NRXN3: variants seen among roughly 807,000 people sequenced by gnomAD.
The protein encoded by NRXN3 is neurexin III.
NRXN3 carries 32 observed loss-of-function variants against 137.6 expected under a neutral mutation model. The observed-to-expected ratio is 0.23, with a 90% CI of 0.18 to 0.31. The LOEUF (loss-of-function observed/expected upper bound fraction) is 0.31, where lower values mean the gene tolerates loss of function less well. Ranked by LOEUF, NRXN3 falls within the 10% of genes least tolerant of loss-of-function variation. The pLI, the probability that NRXN3 is intolerant of heterozygous loss-of-function variation, is 1.00. For missense variants in NRXN3, 1,574 were observed against 2,062.5 expected (o/e 0.76, Z 4.59); for synonymous variants, 798 against 784.5 (o/e 1.02, Z -0.29).
At chr14:78,170,868 C>G (rs1279612840) in intron 1 of NRXN3, among the ~76,000 whole-genome samples, 194 bp downstream of exon 1, 1 of 151,786 alleles carries the variant, frequency 6.6e-6, no homozygotes, top group Non-Finnish European at 1.5e-5. Flanking sequence ...CCTTTCTTTT[C>G]CTTCAGTTTC....
chr14:79,784,490 T>A (rs539167320), intron 19 of NRXN3, among the ~76,000 whole-genome samples: 1 of 152,250 alleles, frequency 6.6e-6, no homozygotes. Flanking sequence ...AAAAAGAAAG[T>A]TTATCCTTGT....
intron 4 of NRXN3, among the ~76,000 whole-genome samples, chr14:78,487,289 G>T (rs1056189811): frequency 2.0e-5 from 3 of 151,904 alleles, no homozygotes; most frequent in African/African-American, 7.3e-5. Context: ...AAGTGGCTTT[G>T]TGTCATTGCA....
At chr14:79,318,967 C>G (rs1313261991) in intron 15 of NRXN3, among the ~76,000 whole-genome samples, 1 of 152,142 alleles carries the variant, frequency 6.6e-6, no homozygotes. Context: ...TATGCACTCA[C>G]TTTGTTTTTG....
At chr14:79,232,587 C>CT (rs1568706094) in intron 15 of NRXN3, among the ~76,000 whole-genome samples, 2 of 152,134 alleles carry the variant, frequency 1.3e-5, no homozygotes, top group Non-Finnish European at 2.9e-5. Flanking sequence ...AGGTTGCTCA[C>CT]TTTTAGCGAC....
In NRXN3 at chr14:78,679,824, G is replaced by C. The variant is rs759716551; in HGVS notation, c.1221+28498G>C. ...ATGTCAGGCACTGTGCTAAGTGTTG[G>C]AGATAAAATGATGATCAGGGAGAAG... On this transcript the variant is annotated intron_variant, in intron 6 of 20. Coordinates refer to ENST00000335750, the MANE Select transcript of NRXN3 (RefSeq NM_001330195.2). Among the ~76,000 whole-genome samples the C allele has an allele frequency of 7.9e-5, 12 of 152,094 alleles. 1 individual carries two copies. The highest frequency in any genetic ancestry group is 1.3e-4 in the Non-Finnish European group (9 of 68,000).
At chr14:79,702,166 A>G (rs191390871) in intron 19 of NRXN3, among the ~76,000 whole-genome samples, 2 of 152,150 alleles carry the variant, frequency 1.3e-5, no homozygotes, top group Non-Finnish European at 2.9e-5. Context: ...TCAGGAACAG[A>G]CTTCTCTGAC....
intron 16 of NRXN3, among the ~76,000 whole-genome samples, chr14:79,504,655 G>GTGTATATA (rs1555491976): frequency 9.6e-6 from 1 of 104,220 alleles, no homozygotes; most frequent in Non-Finnish European, 2.1e-5. Context: ...ATATATATAT[G>GTGTATATA]TATATATATA....
intron 15 of NRXN3, among the ~76,000 whole-genome samples, chr14:79,401,720 T>TTATA (rs1170403508): frequency 2.6e-5 from 4 of 152,130 alleles, no homozygotes; most frequent in Non-Finnish European, 1.5e-5. Flanking sequence ...GTTCCAGGTG[T>TTATA]TATATGACAG....
chr14:78,227,171 A>G (rs780232006), intron 1 of NRXN3, among the ~76,000 whole-genome samples: 1 of 151,712 alleles, frequency 6.6e-6, no homozygotes, highest in Non-Finnish European at 1.5e-5. Flanking sequence ...TTGCCACCTT[A>G]TCTAACATAT....
At chr14:79,655,645 G>T (rs1873121140) in intron 16 of NRXN3, among the ~76,000 whole-genome samples, 1 of 151,974 alleles carries the variant, frequency 6.6e-6, no homozygotes, top group Non-Finnish European at 1.5e-5. Context: ...ACTCCCTGGT[G>T]CAGTTTCTCA....
At chr14:78,174,995 G>A (rs1177857730) in intron 1 of NRXN3, among the ~76,000 whole-genome samples, 1 of 152,110 alleles carries the variant, frequency 6.6e-6, no homozygotes, top group South Asian at 2.1e-4. Flanking sequence ...CCACCTCTTG[G>A]GCGGCTCGGC....
chr14:79,129,858 G>A (rs2057171399), intron 15 of NRXN3, among the ~76,000 whole-genome samples: 1 of 134,370 alleles, frequency 7.4e-6, no homozygotes, highest in Non-Finnish European at 1.6e-5. Flanking sequence ...GAATCTGGGT[G>A]CTCCTGTATT....
intron 19 of NRXN3, among the ~76,000 whole-genome samples, chr14:79,793,095 G>A (rs1224936986): frequency 1.3e-5 from 2 of 152,132 alleles, no homozygotes; most frequent in African/African-American, 4.8e-5. Context: ...AGGAATACTA[G>A]TGCTGTTTCC....
chr14:79,460,328 T>C (rs560754491), intron 15 of NRXN3, among the ~76,000 whole-genome samples: 7 of 152,196 alleles, frequency 4.6e-5, no homozygotes, highest in South Asian at 2.1e-4. Flanking sequence ...TAACCTATTA[T>C]ATCATGAAGA....
chr14:79,175,624 G>C (rs567195692), intron 15 of NRXN3, among the ~76,000 whole-genome samples: 26 of 152,120 alleles, frequency 1.7e-4, no homozygotes, highest in African/African-American at 6.0e-4. Flanking sequence ...TAATGAGAAG[G>C]GTACTTCATA....
intron 16 of NRXN3, among the ~76,000 whole-genome samples, chr14:79,594,319 C>G (rs917859041): frequency 3.9e-5 from 6 of 152,182 alleles, no homozygotes; most frequent in Admixed American, 3.9e-4. Context: ...AATTACACAT[C>G]TTTCCCCTGC....
chr14:78,676,419 C>T (rs2098007310), intron 6 of NRXN3, among the ~76,000 whole-genome samples: 1 of 152,072 alleles, frequency 6.6e-6, no homozygotes, highest in Non-Finnish European at 1.5e-5. Context: ...GAAGATCAAA[C>T]CAGCCACACA....
At chr14:79,427,104 G>A (rs1346710990) in intron 15 of NRXN3, among the ~76,000 whole-genome samples, 1 of 152,086 alleles carries the variant, frequency 6.6e-6, no homozygotes, top group African/African-American at 2.4e-5. Flanking sequence ...TTAGATAGAG[G>A]AAGATATTGG....
intron 4 of NRXN3, among the ~76,000 whole-genome samples, chr14:78,335,056 C>A (rs745644542): frequency 4.0e-4 from 61 of 152,142 alleles, no homozygotes; most frequent in African/African-American, 1.3e-3. Flanking sequence ...CCCAGGCTCT[C>A]ACCCCAAGGC....
Sources: allele counts gnomAD v4.1 joint callset (sites outside exome capture counted in the v4.1 genomes callset), GRCh38; gene constraint gnomAD v4.1.1; transcripts MANE v1.5; gene names NCBI Gene and HGNC (gene_info 2026-07-23, HGNC 2026-07-21).